SHANK2: variants seen among roughly 807,000 people sequenced by gnomAD.
SHANK2 encodes SH3 and multiple ankyrin repeat domains 2, also known as SH3 and multiple ankyrin repeat domains protein 2.
In SHANK2, 43 loss-of-function variants were observed where a neutral mutation model predicts 133.7. That is an observed-to-expected ratio of 0.32 (90% CI 0.25 to 0.41). The LOEUF is 0.41. Ranked by LOEUF, SHANK2 falls within the 10% of genes least tolerant of loss-of-function variation. SHANK2 has a pLI of 1.00. For missense variants in SHANK2, 1,994 were observed against 2,235.8 expected (o/e 0.89, Z 2.18); for synonymous variants, 1,017 against 952.8 (o/e 1.07, Z -1.24).
rs1478013130 is a variant in SHANK2 at position 70,485,253 on chromosome 11, T to C, written c.4979+61A>G. 1.4e-6 allele frequency: 2 copies of C among 1,475,786 alleles called. No individual in the cohort carries two copies. Among genetic ancestry groups the C allele is most frequent in the East Asian group, 4.5e-5 (2 of 44,162 alleles). 91.4% of individuals were successfully genotyped at this position (1,475,786 alleles called of 1,614,324 possible). ...GCTGGGGCTGCTACCCGAGGGCCTT[T>C]CCTGGTCAGCAGGGACAGTGCACGC... On this transcript the variant is annotated intron_variant, in intron 25 of 25. Transcript: ENST00000601538. This position sits in a 1 kb window ranked among gnomAD's most constrained non-coding sequence, Gnocchi z 5.8.
chr11:71,190,091 C>T (rs781978188), intron 2 of SHANK2, among the ~76,000 whole-genome samples: 2 of 152,232 alleles, frequency 1.3e-5, no homozygotes, highest in Non-Finnish European at 2.9e-5. Flanking sequence ...ACAGCAGAGA[C>T]GTCCACCTGC....
chr11:71,200,223 G>T (rs782660583), intron 2 of SHANK2, among the ~76,000 whole-genome samples: 4 of 152,150 alleles, frequency 2.6e-5, no homozygotes, highest in Non-Finnish European at 5.9e-5. Context: ...ATCATACGTG[G>T]CCTCTGTGTC....
At chr11:71,083,243 T>C (rs1951325548) in intron 8 of SHANK2, among the ~76,000 whole-genome samples, 1 of 152,112 alleles carries the variant, frequency 6.6e-6, no homozygotes, top group Non-Finnish European at 1.5e-5. Flanking sequence ...CCCAGCCTAA[T>C]GTATTATTTA....
At chr11:70,881,572 T>TA (rs1555072408) in intron 11 of SHANK2, among the ~76,000 whole-genome samples, 4,005 of 13,220 alleles carry the variant, frequency 0.3, 188 homozygotes, top group Admixed American at 0.35. Flanking sequence ...TTAATAATAA[T>TA]ATTAATAATA....
chr11:71,128,431 G>A (rs1441385977), intron 3 of SHANK2, among the ~76,000 whole-genome samples: 1 of 152,130 alleles, frequency 6.6e-6, no homozygotes, highest in Non-Finnish European at 1.5e-5. Context: ...TCTCCAGAAA[G>A]GCAGTACATA....
intron 17 of SHANK2, among the ~76,000 whole-genome samples, chr11:70,552,913 A>T (rs2059788017): frequency 6.6e-6 from 1 of 152,078 alleles, no homozygotes; most frequent in Admixed American, 6.5e-5. Context: ...CTGGAGGCTG[A>T]GGTCTGAGAG....
intron 11 of SHANK2, among the ~76,000 whole-genome samples, chr11:70,861,201 A>C (rs1469984552): frequency 6.6e-6 from 1 of 152,252 alleles, no homozygotes; most frequent in African/African-American, 2.4e-5. Flanking sequence ...CATGTTTAAC[A>C]GCAAGACCTA....
At chr11:70,955,693 A>ATTCCTTC (rs1950910199) in intron 10 of SHANK2, among the ~76,000 whole-genome samples, 1 of 10 alleles carries the variant, frequency 0.1, no homozygotes, top group East Asian at 0.25. Flanking sequence ...TTAGGGCAGA[A>ATTCCTTC]TTCNNNNNNN....
chr11:71,111,465 A>G (rs1289442178), intron 5 of SHANK2, among the ~76,000 whole-genome samples: 1 of 152,224 alleles, frequency 6.6e-6, no homozygotes, highest in African/African-American at 2.4e-5. Flanking sequence ...CCTCGCTGTA[A>G]GAAAAGTCAT....
intron 17 of SHANK2, among the ~76,000 whole-genome samples, chr11:70,548,030 G>C (rs962150557): frequency 1.9e-4 from 29 of 152,362 alleles, no homozygotes; most frequent in Admixed American, 4.6e-4. Flanking sequence ...TCCTGGCCTG[G>C]CCTGGTGCAG....
chr11:70,719,397 C>T (rs896421225), intron 14 of SHANK2, among the ~76,000 whole-genome samples: 2 of 152,190 alleles, frequency 1.3e-5, no homozygotes, highest in African/African-American at 2.4e-5. Context: ...GGGACATGGA[C>T]GTCATGGTGC....
chr11:70,855,887 A>T (rs1367671685), intron 11 of SHANK2, among the ~76,000 whole-genome samples: 3 of 152,126 alleles, frequency 2.0e-5, no homozygotes, highest in Non-Finnish European at 4.4e-5. Context: ...TAATGAATGG[A>T]TAGATGGATG....
intron 15 of SHANK2, among the ~76,000 whole-genome samples, chr11:70,670,223 A>G (rs1944770168): frequency 6.6e-6 from 1 of 152,086 alleles, no homozygotes; most frequent in African/African-American, 2.4e-5. Flanking sequence ...TCCTGGTATA[A>G]TCGCATTTCA....
chr11:71,251,305 G>A (rs1948174378), intron 1 of SHANK2, among the ~76,000 whole-genome samples: 1 of 152,184 alleles, frequency 6.6e-6, no homozygotes, highest in African/African-American at 2.4e-5. Context: ...CGCCTGGAGG[G>A]CGCCGCGCTG....
intron 17 of SHANK2, among the ~76,000 whole-genome samples, chr11:70,552,941 G>C (rs1260351638): frequency 2.0e-5 from 3 of 152,080 alleles, no homozygotes; most frequent in Non-Finnish European, 4.4e-5. Context: ...TCTCAGCGTT[G>C]GCTCCTCCTG....
intron 11 of SHANK2, among the ~76,000 whole-genome samples, chr11:70,849,399 C>T (rs1268203293): frequency 2.0e-5 from 3 of 152,208 alleles, no homozygotes; most frequent in African/African-American, 4.8e-5. Context: ...TGAATTCTGT[C>T]TACGGGTGCA....
At chr11:70,599,889 A>AAAG (rs2060459693) in intron 17 of SHANK2, among the ~76,000 whole-genome samples, 1 of 73,628 alleles carries the variant, frequency 1.4e-5, no homozygotes, top group Admixed American at 1.4e-4. Context: ...GAAAGAAAGA[A>AAAG]AAAGAAAGAA....
chr11:70,616,617 C>T (rs1290344732), intron 17 of SHANK2, among the ~76,000 whole-genome samples: 2 of 152,160 alleles, frequency 1.3e-5, no homozygotes, highest in African/African-American at 4.8e-5. Flanking sequence ...GTGCTGGGTC[C>T]TGAGCAAGTT....
intron 15 of SHANK2, chr11:70,661,957 C>T: frequency 1.4e-6 from 1 of 728,744 alleles, no homozygotes. Context: ...GGTGGGGCGG[C>T]TGCCTGAGGG....
Sources: gnomAD v4.1 joint callset for allele counts (sites outside exome capture counted in the v4.1 genomes callset) on GRCh38, gnomAD v4.1.1 for gene constraint, Gnocchi (gnomAD v3.1) non-coding constraint, MANE v1.5 for transcripts, NCBI Gene and HGNC (gene_info 2026-07-23, HGNC 2026-07-21) for gene names.